Variants in PTPRG observed in about 807,000 individuals in gnomAD.
The protein encoded by PTPRG is protein tyrosine phosphatase receptor type G.
Under a neutral mutation model 165.3 loss-of-function variants are expected in PTPRG, and 102 were observed. The observed-to-expected ratio is 0.62, with a 90% CI of 0.53 to 0.73. The LOEUF (loss-of-function observed/expected upper bound fraction) is 0.73. PTPRG is among the 30% of genes least tolerant of loss of function. PTPRG has a pLI of 0.00. For missense variants in PTPRG, 1,866 were observed against 1,861.4 expected, an observed-to-expected ratio of 1.00 and a Z score of -0.05; for synonymous variants, 675 against 669.5, an observed-to-expected ratio of 1.01 and a Z score of -0.13.
intron 6 of PTPRG, among the ~76,000 whole-genome samples, chr3:62,146,647 TAC>T (rs1704134529): frequency 7.5e-6 from 1 of 132,518 alleles, no homozygotes; most frequent in African/African-American, 3.1e-5. Context: ...AAAAAAAAAA[TAC>T]GCCGCCCTCA....
intron 3 of PTPRG, among the ~76,000 whole-genome samples, chr3:61,995,378 C>G (rs138700476): frequency 6.6e-6 from 1 of 152,244 alleles, no homozygotes; most frequent in African/African-American, 2.4e-5. Context: ...GCATGAGCCA[C>G]TGCGCCTGGC....
chr3:62,025,958 A>G (rs78358959), intron 4 of PTPRG, among the ~76,000 whole-genome samples: 4,544 of 152,304 alleles, frequency 0.03, 129 homozygotes, highest in East Asian at 0.091. Context: ...GGAAATTGCA[A>G]TGCTTTATTG....
chr3:61,927,436 G>A (rs1222143827), intron 2 of PTPRG, among the ~76,000 whole-genome samples: 1 of 152,186 alleles, frequency 6.6e-6, no homozygotes, highest in Non-Finnish European at 1.5e-5. Flanking sequence ...GCCTATTGGA[G>A]ATGGTCCCTG....
intron 5 of PTPRG, among the ~76,000 whole-genome samples, chr3:62,080,586 T>C (rs1701537360): frequency 1.3e-5 from 2 of 152,192 alleles, no homozygotes; most frequent in Non-Finnish European, 2.9e-5. Context: ...CAACCTGTGC[T>C]CAGACCTCCA....
chr3:62,189,465 C>T (rs777586791), intron 8 of PTPRG, among the ~76,000 whole-genome samples: 13 of 152,192 alleles, frequency 8.5e-5, no homozygotes, highest in East Asian at 3.9e-4. Context: ...AAGATGCCAG[C>T]GGGTCAGAAC....
At chr3:61,826,711 C>T (rs2036123695) in intron 2 of PTPRG, among the ~76,000 whole-genome samples, 1 of 152,050 alleles carries the variant, frequency 6.6e-6, no homozygotes, top group South Asian at 2.1e-4. Context: ...TTTACACCTC[C>T]CTTTATAGCC....
intron 2 of PTPRG, among the ~76,000 whole-genome samples, chr3:61,810,007 G>A (rs1018775606): frequency 6.6e-6 from 1 of 152,160 alleles, no homozygotes; most frequent in African/African-American, 2.4e-5. Flanking sequence ...TAGCTGCAAT[G>A]GGGGGCTGGG....
At chr3:61,800,156 C>T (rs557253257) in intron 2 of PTPRG, among the ~76,000 whole-genome samples, 22 of 152,194 alleles carry the variant, frequency 1.4e-4, no homozygotes, top group African/African-American at 4.6e-4. Flanking sequence ...TGACTGTGTC[C>T]ATCAGCTCGT....
chr3:62,175,577 C>T (rs1312433777), intron 8 of PTPRG, among the ~76,000 whole-genome samples: 1 of 152,170 alleles, frequency 6.6e-6, no homozygotes, highest in Non-Finnish European at 1.5e-5. Flanking sequence ...GCTTTTCATT[C>T]ATTAAATATT....
At position 62,110,089 on chromosome 3, in the gene PTPRG, CTTTTT is replaced by C. The variant is rs371457716; in HGVS notation, c.616-22494_616-22490del. Among the ~76,000 whole-genome samples, 316 of 79,974 alleles carry C rather than the reference CTTTTT, an allele frequency of 4.0e-3. 2 individuals are homozygous for C. The highest frequency in any genetic ancestry group is 0.013 in the African/African-American group (260 of 20,286). The allele number at this position is 79,974 out of a possible 152,430, so 52.5% of individuals were successfully genotyped here. A position where few individuals can be genotyped will look rare whatever the true frequency, so the allele number is the denominator to read the frequency against. ...TCTCTCTCTATTCTAGAAATAATGG[CTTTTT>C]TTTTTTTTTTTTTTTTTTGCAGTAG... On this transcript the variant is annotated intron_variant, in intron 5 of 29. Transcript: ENST00000474889.
intron 1 of PTPRG, among the ~76,000 whole-genome samples, chr3:61,652,041 A>T (rs1467584477): frequency 6.6e-6 from 1 of 151,568 alleles, no homozygotes; most frequent in African/African-American, 2.4e-5. Flanking sequence ...CAGGCGCAGT[A>T]GCTTATGCCT....
chr3:62,014,828 GA>G (rs1299256440), intron 4 of PTPRG, among the ~76,000 whole-genome samples: 21 of 152,132 alleles, frequency 1.4e-4, no homozygotes, highest in Admixed American at 1.4e-3. Flanking sequence ...AGCACCCATC[GA>G]AAAAGATGGC....
chr3:61,772,988 A>G (rs184492463), intron 2 of PTPRG, among the ~76,000 whole-genome samples: 8 of 152,360 alleles, frequency 5.3e-5, no homozygotes, highest in Non-Finnish European at 2.9e-5. Context: ...TTGATCAACA[A>G]TGAAGGAATT....
intron 2 of PTPRG, among the ~76,000 whole-genome samples, chr3:61,963,629 G>T (rs906899926): frequency 6.6e-6 from 1 of 152,162 alleles, no homozygotes; most frequent in South Asian, 2.1e-4. Context: ...ACAGGTCTCT[G>T]TTGTATCAAG....
In PTPRG at chr3:61,795,588, C is replaced by T. The variant is rs866248714; in HGVS notation, c.190+46606C>T. ...CTGGGAAGCAGAGGTTGCAGTGAGC[C>T]GAGATCGTGCCACTGCACTCCAGCC... On this transcript the variant is annotated intron_variant, in intron 2 of 29. Transcript: ENST00000474889. 1.5e-4 allele frequency among the ~76,000 whole-genome samples: 19 copies of T among 130,940 alleles called. No homozygotes were observed. The East Asian group carries it at 2.9e-3, about 20-fold the overall frequency. 85.9% of individuals were successfully genotyped at this position (130,940 alleles called of 152,430 possible).
chr3:62,145,541 A>G (rs1704088284), intron 6 of PTPRG, among the ~76,000 whole-genome samples: 1 of 130,276 alleles, frequency 7.7e-6, no homozygotes, highest in Non-Finnish European at 1.5e-5. Context: ...AATGATGAAG[A>G]TGATGATGAT....
chr3:62,152,272 T>C (rs1416516576), intron 6 of PTPRG, among the ~76,000 whole-genome samples: 1 of 151,772 alleles, frequency 6.6e-6, no homozygotes, highest in Non-Finnish European at 1.5e-5. Context: ...CTCAGGAAGC[T>C]GAGAGGGGAG....
At chr3:62,068,789 T>C (rs1336334997) in intron 4 of PTPRG, among the ~76,000 whole-genome samples, 2 of 152,184 alleles carry the variant, frequency 1.3e-5, no homozygotes, top group African/African-American at 4.8e-5. Context: ...GTGTGCACCT[T>C]AGGTTCTACT....
chr3:61,952,515 C>T (rs2039924663), intron 2 of PTPRG, among the ~76,000 whole-genome samples: 1 of 152,116 alleles, frequency 6.6e-6, no homozygotes, highest in African/African-American at 2.4e-5. Flanking sequence ...CTAAAATTAC[C>T]ATCTATTCCA....
Sources: gnomAD v4.1 joint callset for allele counts (sites outside exome capture counted in the v4.1 genomes callset) on GRCh38, gnomAD v4.1.1 for gene constraint, MANE v1.5 for transcripts, NCBI Gene and HGNC (gene_info 2026-07-23, HGNC 2026-07-21) for gene names.